PALLD: variants seen among roughly 807,000 people sequenced by gnomAD.
The protein encoded by PALLD is palladin, cytoskeletal associated protein.
Under a neutral mutation model 123.5 loss-of-function variants are expected in PALLD, and 61 were observed. The observed-to-expected ratio is 0.49, with a 90% confidence interval of 0.40 to 0.61. PALLD has a LOEUF of 0.61. PALLD is among the 20% of genes least tolerant of loss of function. PALLD has a pLI of 0.00. For missense variants in PALLD, 1,273 were observed against 1,377.0 expected, an observed-to-expected ratio of 0.92 and a Z score of 1.20; for synonymous variants, 465 against 496.4, an observed-to-expected ratio of 0.94 and a Z score of 0.84.
At chr4:168,507,081 C>G (rs1248370116) in intron 1 of PALLD, among the ~76,000 whole-genome samples, 1 of 152,134 alleles carries the variant, frequency 6.6e-6, no homozygotes, top group African/African-American at 2.4e-5. Context: ...AGATCAGCAT[C>G]TCAAATCTCC....
chr4:168,567,878 C>T (rs1011428377), intron 2 of PALLD, among the ~76,000 whole-genome samples: 1 of 151,744 alleles, frequency 6.6e-6, no homozygotes, highest in Admixed American at 6.6e-5. Flanking sequence ...ATACTAAAAG[C>T]CAAGACTGTA....
intron 11 of PALLD, among the ~76,000 whole-genome samples, chr4:168,893,112 T>C (rs989212023): frequency 7.2e-5 from 11 of 152,184 alleles, no homozygotes; most frequent in Non-Finnish European, 4.4e-5. Context: ...GGTGAAGGAA[T>C]AGATATGAAA....
At chr4:168,843,306 T>C (rs1440681859) in intron 10 of PALLD, among the ~76,000 whole-genome samples, 1 of 152,174 alleles carries the variant, frequency 6.6e-6, no homozygotes, top group Non-Finnish European at 1.5e-5. Flanking sequence ...GCTTGCAAAA[T>C]CACAGGCTCC....
At chr4:168,875,239 C>G (rs1372977458) in intron 10 of PALLD, among the ~76,000 whole-genome samples, 4 of 152,016 alleles carry the variant, frequency 2.6e-5, no homozygotes, top group South Asian at 2.1e-4. Context: ...TAATGAATTT[C>G]TTATGACAAA....
intron 10 of PALLD, among the ~76,000 whole-genome samples, chr4:168,778,069 G>A (rs1435271977): frequency 6.6e-6 from 1 of 152,214 alleles, no homozygotes; most frequent in African/African-American, 2.4e-5. Context: ...AGAGCACAGT[G>A]AAGGATGAAC....
At chr4:168,924,215 T>C in intron 18 of PALLD, 40 bp from the exon 19 acceptor site, 1 of 1,572,300 alleles carries the variant, frequency 6.4e-7, no homozygotes, top group Admixed American at 1.7e-5. Context: ...GTGCTCCTTT[T>C]GTATATCATT....
At chr4:168,508,408 G>C (rs958950390) in intron 1 of PALLD, among the ~76,000 whole-genome samples, 1 of 152,128 alleles carries the variant, frequency 6.6e-6, no homozygotes, top group East Asian at 1.9e-4. Flanking sequence ...CGTCCCTAGC[G>C]CACTACCAGG....
At chr4:168,631,399 T>TA (rs1775784814) in intron 2 of PALLD, among the ~76,000 whole-genome samples, 1 of 152,254 alleles carries the variant, frequency 6.6e-6, no homozygotes, top group Non-Finnish European at 1.5e-5. Flanking sequence ...GGAGTGGCTT[T>TA]AGAAATCGCC....
chr4:168,767,871 C>T (rs185907061), intron 10 of PALLD, among the ~76,000 whole-genome samples: 3 of 152,218 alleles, frequency 2.0e-5, no homozygotes, highest in Admixed American at 2.0e-4. Context: ...ATTCCTCTTA[C>T]CCTCAGTGGA....
chr4:168,592,261 T>C (rs1280807716), intron 2 of PALLD, among the ~76,000 whole-genome samples: 1 of 151,934 alleles, frequency 6.6e-6, no homozygotes, highest in Non-Finnish European at 1.5e-5. Flanking sequence ...CCAGACCTCA[T>C]GATCCGCCTG....
chr4:168,618,203 GA>G (rs1406243692), intron 2 of PALLD, among the ~76,000 whole-genome samples: 1 of 152,116 alleles, frequency 6.6e-6, no homozygotes, highest in Non-Finnish European at 1.5e-5. Context: ...CTTTTCTGTA[GA>G]AAGGAACTCA....
chr4:168,647,624 TAC>T (rs1421225493), intron 2 of PALLD, among the ~76,000 whole-genome samples: 1 of 151,676 alleles, frequency 6.6e-6, no homozygotes, highest in Non-Finnish European at 1.5e-5. Context: ...CTACTAAAAA[TAC>T]AAAAATTAGC....
intron 15 of PALLD, among the ~76,000 whole-genome samples, chr4:168,905,360 G>A (rs565726851): frequency 1.3e-4 from 20 of 151,572 alleles, no homozygotes; most frequent in African/African-American, 4.6e-4. Context: ...ATGTTAGCCA[G>A]GATGGTCTCG....
intron 8 of PALLD, among the ~76,000 whole-genome samples, chr4:168,697,758 G>A (rs978090912): frequency 2.0e-4 from 31 of 152,200 alleles, no homozygotes; most frequent in African/African-American, 7.2e-4. Flanking sequence ...CCTTGACGAT[G>A]ACCTTGAGCA....
At chr4:168,498,241 T>C (rs1760962456) in intron 1 of PALLD, among the ~76,000 whole-genome samples, 1 of 152,204 alleles carries the variant, frequency 6.6e-6, no homozygotes, top group Non-Finnish European at 1.5e-5. Context: ...TGATTACACA[T>C]TCCTAGAATA....
intron 1 of PALLD, among the ~76,000 whole-genome samples, chr4:168,506,396 C>T (rs1046052034): frequency 1.2e-4 from 18 of 151,486 alleles, no homozygotes; most frequent in East Asian, 3.9e-4. Flanking sequence ...TCTCTCTTAC[C>T]GCCCCCCATG....
intron 10 of PALLD, among the ~76,000 whole-genome samples, chr4:168,812,666 G>A (rs1487928936): frequency 6.6e-6 from 1 of 152,172 alleles, no homozygotes; most frequent in African/African-American, 2.4e-5. Flanking sequence ...CTCTTCCTAA[G>A]AGTGAAGACA....
At chr4:168,795,369 T>C (rs1049529064) in intron 10 of PALLD, among the ~76,000 whole-genome samples, 1 of 152,114 alleles carries the variant, frequency 6.6e-6, no homozygotes, top group Admixed American at 6.5e-5. Context: ...AATAGAAAAA[T>C]CAAGAATGCA....
chr4:168,794,430 C>T (rs1341215470), intron 10 of PALLD, among the ~76,000 whole-genome samples: 10 of 146,074 alleles, frequency 6.8e-5, no homozygotes, highest in South Asian at 2.2e-4. Flanking sequence ...CACGCATGCG[C>T]GCGCACACAC....
Sources: allele counts gnomAD v4.1 joint callset (sites outside exome capture counted in the v4.1 genomes callset), GRCh38; gene constraint gnomAD v4.1.1; transcripts MANE v1.5; gene names NCBI Gene and HGNC (gene_info 2026-07-23, HGNC 2026-07-21).